The following HPS5 variants were observed in gnomAD, a reference collection of about 807,000 sequenced individuals.
The protein encoded by HPS5 is HPS5 biogenesis of lysosomal organelles complex 2 subunit 2.
Under a neutral mutation model 128.0 loss-of-function variants are expected in HPS5, and 83 were observed. That is an observed-to-expected ratio of 0.65 (90% CI 0.54 to 0.78). The LOEUF is 0.78. Ranked by LOEUF, HPS5 falls within the 30% of genes least tolerant of loss-of-function variation. The pLI is 0.00. For synonymous variants in HPS5, 475 were observed against 470.2 expected (o/e 1.01, Z -0.13); for missense variants, 1,281 against 1,326.2 (o/e 0.97, Z 0.53).
In HPS5 at chr11:18,306,208, C is replaced by T; in HGVS notation, c.751G>A (p.Asp251Asn). ...TGATGTGTACTTATAACTTCTCCAT[C>T]AAAGTTCACTTCCCACATCCTAGAG... The part of the protein sequence containing the change: ...PGSRMWEVNF[D>N]GEVISTHQFK... The change falls in exon 7 of 23, where the codon GAT (aspartate) becomes AAT (asparagine). Residue 251 changes from aspartate (D) to asparagine (N), a missense_variant. Coordinates refer to ENST00000349215, the MANE Select transcript of HPS5 (RefSeq NM_181507.2). The T allele has an allele frequency of 6.2e-7, 1 of 1,614,090 alleles. No individual in the cohort carries two copies. The highest frequency in any genetic ancestry group is 8.5e-7 in the Non-Finnish European group (1 of 1,179,978).
chr11:18,287,417 A>T, intron 18 of HPS5, 118 bp downstream of exon 18: 1 of 1,119,354 alleles, frequency 8.9e-7, no homozygotes, highest in Admixed American at 1.7e-5. Context: ...CTCCTCTTCC[A>T]TAGTATGTGC....
intron 15 of HPS5, 87 bp from the exon 16 acceptor site, chr11:18,292,106 A>C: frequency 1.0e-6 from 1 of 965,304 alleles, no homozygotes; most frequent in Non-Finnish European, 1.7e-6. Flanking sequence ...AACCTAACCA[A>C]TGTAACATAC....
intron 9 of HPS5, among the ~76,000 whole-genome samples, chr11:18,300,058 C>A (rs960409039): frequency 3.3e-5 from 5 of 152,066 alleles, no homozygotes; most frequent in African/African-American, 9.7e-5. Flanking sequence ...TTCTACTGTT[C>A]CATAGCATTG....
In HPS5 at chr11:18,305,476, T is replaced by C; in HGVS notation, c.842A>G (p.Asp281Gly). 6.2e-7 allele frequency: 1 copy of C among 1,608,472 alleles called. No homozygotes were observed. Among genetic ancestry groups the C allele is most frequent in the Admixed American group, 1.7e-5 (1 of 60,010 alleles). Residue 281 changes from aspartate to glycine, a missense_variant, in exon 8 of 23, where the codon GAT becomes GGT. Transcript: ENST00000349215. ...VITLRSEPQYDHTAGSSQSLS... is the reference protein window; with the variant it reads ...VITLRSEPQYGHTAGSSQSLS... The stretch of plus-strand genomic sequence containing the variant: ...AGACTGGGAGGATCCAGCTGTATGA[T>C]CATACTGAGGTTCTGATCTAGAAAG...
intron 6 of HPS5, among the ~76,000 whole-genome samples, chr11:18,307,102 A>G (rs956662571): frequency 9.9e-5 from 15 of 152,224 alleles, no homozygotes; most frequent in Non-Finnish European, 1.5e-4. Context: ...TATGGCAATT[A>G]TGTCTATTTA....
rs1859050270 is a variant in HPS5, at chr11:18,282,101, T to C, written c.3178A>G (p.Ile1060Val). The C allele has an allele frequency of 6.2e-7, 1 of 1,614,156 alleles. No individual in the cohort carries two copies. The highest frequency in any genetic ancestry group is 8.5e-7 in the Non-Finnish European group (1 of 1,180,022). The stretch of plus-strand genomic sequence containing the variant: ...AGAAGTGCCACATTCTCCACATTGA[T>C]GGGGGAAGGCCCATCACTGAGGCTC... Reference protein sequence around the residue: ...NGSLSDGPSPINVENVALLLA... With the variant: ...NGSLSDGPSPVNVENVALLLA... The change falls in exon 22 of 23, where the codon ATC becomes GTC. Residue 1060 changes from isoleucine (I) to valine (V), a missense_variant. By Grantham distance (29) the Ile-to-Val change is conservative (BLOSUM62 3). Coordinates refer to ENST00000349215, the MANE Select transcript of HPS5 (RefSeq NM_181507.2).
intron 9 of HPS5, among the ~76,000 whole-genome samples, chr11:18,300,148 T>C (rs1296174277): frequency 2.0e-5 from 3 of 152,160 alleles, no homozygotes; most frequent in Non-Finnish European, 1.5e-5. Context: ...GAAGAGCTAA[T>C]AAATGTTTAA....
At chr11:18,312,743 T>C (rs757585414) in intron 2 of HPS5, among the ~76,000 whole-genome samples, 1 of 152,190 alleles carries the variant, frequency 6.6e-6, no homozygotes, top group African/African-American at 2.4e-5. Context: ...CCCCACTTTC[T>C]TGAGATGTTA....
chr11:18,286,921 A>AG lies in HPS5; in HGVS notation c.2718-212dup, dbSNP rs1590058023. 1.3e-5 allele frequency: 8 copies of AG among 632,314 alleles called. No individual in the cohort carries two copies. In the East Asian group the frequency reaches 1.6e-4, roughly 13 times the overall value. 39.2% of individuals were successfully genotyped at this position (632,314 alleles called of 1,614,324 possible). A position where few individuals can be genotyped will look rare whatever the true frequency, so the allele number is the denominator to read the frequency against. Reference sequence around the variant, plus strand: ...AAAGGGCCAAAAAAGAAAAAAAAAAAGGGAGAGAAAGAGAGAGAGAAAGAA... The same window carrying AG: ...AAAGGGCCAAAAAAGAAAAAAAAAAAGGGGAGAGAAAGAGAGAGAGAAAGAA... On this transcript the variant is annotated intron_variant, in intron 18 of 22. Coordinates refer to ENST00000349215, the MANE Select transcript of HPS5 (RefSeq NM_181507.2).
At chr11:18,314,881 T>G (rs1356768446) in intron 2 of HPS5, among the ~76,000 whole-genome samples, 2 of 152,124 alleles carry the variant, frequency 1.3e-5, no homozygotes, top group Non-Finnish European at 2.9e-5. Context: ...TTGTATTTTT[T>G]GTAAAGATGG....
intron 2 of HPS5, among the ~76,000 whole-genome samples, chr11:18,317,257 A>ATTT (rs67379743): frequency 3.0e-5 from 4 of 132,012 alleles, no homozygotes; most frequent in Non-Finnish European, 4.8e-5. Flanking sequence ...GGCCTGATAA[A>ATTT]TTTTTTTTTT....
At chr11:18,292,052 G>A in intron 15 of HPS5, 33 bp from the exon 16 acceptor site, 2 of 1,533,758 alleles carry the variant, frequency 1.3e-6, no homozygotes, top group Non-Finnish European at 1.8e-6. Context: ...AAATTCATGT[G>A]TCATGTGTTT....
At chr11:18,288,090 G>C (rs1859965038) in intron 16 of HPS5, 77 bp from the exon 17 acceptor site, 1 of 1,512,718 alleles carries the variant, frequency 6.6e-7, no homozygotes, top group Admixed American at 1.7e-5. Flanking sequence ...TGTTCATTCA[G>C]CAATCATTAG....
chr11:18,296,287 G>T, intron 12 of HPS5, 165 bp from the exon 13 acceptor site: 1 of 679,784 alleles, frequency 1.5e-6, no homozygotes, highest in African/African-American at 1.8e-5. Flanking sequence ...TTTACAAAAT[G>T]CATGGGATGG....
At chr11:18,318,797 G>T (rs1314882797) in intron 1 of HPS5, among the ~76,000 whole-genome samples, 1 of 152,068 alleles carries the variant, frequency 6.6e-6, no homozygotes, top group Non-Finnish European at 1.5e-5. Flanking sequence ...TTACGTTTTT[G>T]ACTTTTTTTC....
In HPS5 at chr11:18,288,013, T is replaced by C; in HGVS notation, c.2441A>G (p.Glu814Gly). 6.2e-7 allele frequency: 1 copy of C among 1,613,764 alleles called. No individual in the cohort carries two copies. The highest frequency in any genetic ancestry group is 8.5e-7 in the Non-Finnish European group (1 of 1,179,878). Residue 814 changes from glutamate (E) to glycine (G), a missense_variant and splice_region_variant, in exon 17 of 23, where the codon GAA (glutamate) becomes GGA (glycine). Glu to Gly is a moderately conservative substitution (Grantham distance 98, BLOSUM62 -2). Transcript: ENST00000349215. ...ATACACAGGATTGGAACTTGCCATT[T>C]CTGAAATATAAAGCATATCCTTTTC... ...VWDTFIEGLK[E>G]MASSNPVYME... is the part of the protein sequence containing the mutation.
chr11:18,287,556 T>C lies in HPS5; in HGVS notation c.2696A>G (p.Lys899Arg), dbSNP rs1859894618. ...TCACCGCTGATCTTCAGGCCTTGAT[T>C]TCACCAGACTGTCTAAATAGGCCAA... ...EFLAYLDSLV[K>R]SRPEDQRSSF... is the part of the protein sequence containing the mutation. The change falls in exon 18 of 23, where the codon AAA (lysine) becomes AGA (arginine). Residue 899 changes from lysine (K) to arginine (R), a missense_variant. Physicochemically the swap from Lys to Arg is conservative, Grantham distance 26 (BLOSUM62 2). Coordinates refer to ENST00000349215, the MANE Select transcript of HPS5 (RefSeq NM_181507.2). 2 of 1,614,080 alleles carry C rather than the reference T, an allele frequency of 1.2e-6. No homozygotes were observed. Among genetic ancestry groups the C allele is most frequent in the East Asian group, 2.2e-5 (1 of 44,890 alleles).
chr11:18,292,521 G>A (rs944861959), intron 15 of HPS5, among the ~76,000 whole-genome samples: 1 of 152,134 alleles, frequency 6.6e-6, no homozygotes, highest in Non-Finnish European at 1.5e-5. Flanking sequence ...TTCCAAATGA[G>A]GCTATCTCTG....
At chr11:18,280,433 G>A in intron 22 of HPS5, 1 of 587,144 alleles carries the variant, frequency 1.7e-6, no homozygotes, top group Non-Finnish European at 3.0e-6. Context: ...CTTGTGCACT[G>A]CTGGCAGGAA....
Sources: allele counts gnomAD v4.1 joint callset (sites outside exome capture counted in the v4.1 genomes callset), GRCh38; gene constraint gnomAD v4.1.1; transcripts MANE v1.5; gene names NCBI Gene and HGNC (gene_info 2026-07-23, HGNC 2026-07-21).